The following SYNJ2 variants were observed in gnomAD, a reference collection of about 807,000 sequenced individuals.
SYNJ2 encodes the protein synaptojanin 2.
A neutral mutation model predicts 141.3 loss-of-function variants in SYNJ2; 116 were observed. The observed-to-expected ratio is 0.82, with a 90% CI of 0.71 to 0.96. SYNJ2 has a LOEUF of 0.96. Among genes scored for constraint, SYNJ2 ranks in the 40% least tolerant of loss-of-function variants. SYNJ2 has a pLI of 0.00. For synonymous variants in SYNJ2, 745 were observed against 777.7 expected, an observed-to-expected ratio of 0.96 and a Z score of 0.70; for missense variants, 1,873 against 1,934.8, an observed-to-expected ratio of 0.97 and a Z score of 0.60.
Position 158,093,066 on chromosome 6 carries a change from C to T in SYNJ2, c.3706C>T (p.Pro1236Ser), listed in dbSNP as rs1179263694. The change falls in exon 26 of 27, where the codon CCT becomes TCT. Residue 1236 changes from proline to serine, a missense_variant. Physicochemically the swap from Pro to Ser is moderately conservative, Grantham distance 74. Coordinates refer to ENST00000355585, the MANE Select transcript of SYNJ2 (RefSeq NM_003898.4). ...TCCCCGTCGGCCCCCACCCAGAGTT[C>T]CTGCCATCAAGAAGCCAACCTTGAG... Reference protein sequence around the residue: ...LLPRRPPPRVPAIKKPTLRRT... With the variant: ...LLPRRPPPRVSAIKKPTLRRT... 1 of 1,607,950 alleles carries T rather than the reference C, an allele frequency of 6.2e-7. No individual in the cohort carries two copies. The highest frequency in any genetic ancestry group is 8.5e-7 in the Non-Finnish European group (1 of 1,178,544).
chr6:158,075,229 G>A (rs113313403), intron 16 of SYNJ2, among the ~76,000 whole-genome samples: 1 of 151,254 alleles, frequency 6.6e-6, no homozygotes, highest in Admixed American at 6.6e-5. Flanking sequence ...ACCATGCCCG[G>A]TCAACCTTCT....
intron 2 of SYNJ2, among the ~76,000 whole-genome samples, chr6:158,026,512 C>T (rs1023979414): frequency 4.6e-5 from 7 of 152,150 alleles, no homozygotes; most frequent in African/African-American, 1.7e-4. Context: ...GTACCACTCC[C>T]GACCCCCTCC....
Position 158,071,789 on chromosome 6 carries a change from C to A in SYNJ2, c.2128C>A (p.Pro710Thr). The stretch of plus-strand genomic sequence containing the variant: ...GGAGATCACCCAGAAACTCTGCTTC[C>A]CAATGGTGAGCGGCGCCGTGGGGAC... ...YKEITQKLCF[P>T]MGRNVFSHDY... The change falls in exon 15 of 27, where the codon CCA (proline) becomes ACA (threonine). Residue 710 changes from proline (P) to threonine (T), a missense_variant. Transcript: ENST00000355585. The surrounding 1 kb of genome is among the most constrained non-coding windows in gnomAD (Gnocchi z 4.3). 1 of 1,613,206 alleles carries A rather than the reference C, an allele frequency of 6.2e-7. No homozygotes were observed. Among genetic ancestry groups the A allele is most frequent in the South Asian group, 1.1e-5 (1 of 91,072 alleles).
At chr6:158,020,296 C>A (rs994293429) in intron 2 of SYNJ2, among the ~76,000 whole-genome samples, 1 of 139,052 alleles carries the variant, frequency 7.2e-6, no homozygotes, top group Non-Finnish European at 1.5e-5. Flanking sequence ...GACTGTGTGA[C>A]CCCCACCTGT....
chr6:158,034,849 A>T (rs1437576233), intron 4 of SYNJ2, among the ~76,000 whole-genome samples: 1 of 152,084 alleles, frequency 6.6e-6, no homozygotes, highest in African/African-American at 2.4e-5. Flanking sequence ...TCTTGAGTTG[A>T]TTTTTGTATA....
intron 5 of SYNJ2, among the ~76,000 whole-genome samples, chr6:158,050,158 A>T (rs773928151): frequency 6.6e-6 from 1 of 152,224 alleles, no homozygotes; most frequent in East Asian, 1.9e-4. Context: ...AACCTAAGCC[A>T]AAAGGGAACA....
chr6:158,087,064 G>A (rs1383103361), intron 23 of SYNJ2, 75 bp downstream of exon 23: 6 of 1,521,794 alleles, frequency 3.9e-6, no homozygotes, highest in South Asian at 2.4e-5. Flanking sequence ...CTGAAAACAC[G>A]GCTCCGAATC....
intron 4 of SYNJ2, among the ~76,000 whole-genome samples, chr6:158,039,914 G>A (rs890210974): frequency 3.3e-5 from 5 of 152,312 alleles, no homozygotes; most frequent in South Asian, 4.1e-4. Flanking sequence ...AGCCAGGCCC[G>A]CTGACCATTT....
intron 20 of SYNJ2, among the ~76,000 whole-genome samples, 170 bp from the exon 21 acceptor site, chr6:158,083,259 G>T (rs926747055): frequency 6.6e-6 from 1 of 152,078 alleles, no homozygotes; most frequent in Non-Finnish European, 1.5e-5. Flanking sequence ...TCAACCAGAT[G>T]TATGAGAGCT....
chr6:158,055,397 G>A (rs1583420228), intron 6 of SYNJ2, among the ~76,000 whole-genome samples: 1 of 151,950 alleles, frequency 6.6e-6, no homozygotes, highest in Non-Finnish European at 1.5e-5. Context: ...GTATAGAAAA[G>A]TATAAAGTGA....
In SYNJ2 at chr6:158,070,920, C is replaced by T. The variant is rs1336210001; in HGVS notation, c.1941-682C>T. ...ATTGATTGCTGGGCACGGTGTCTCACGCCTGTAATCCCAGCACTTTGGGAG... is the reference window on the plus strand; with the variant it reads ...ATTGATTGCTGGGCACGGTGTCTCATGCCTGTAATCCCAGCACTTTGGGAG... On this transcript the variant is annotated intron_variant, in intron 14 of 26. Transcript: ENST00000355585. The surrounding 1 kb of genome is among the most constrained non-coding windows in gnomAD (Gnocchi z 4.0). Among the ~76,000 whole-genome samples, 9 of 152,312 alleles carry T rather than the reference C, an allele frequency of 5.9e-5. No homozygotes were observed. The highest frequency in any genetic ancestry group is 1.9e-4 in the East Asian group (1 of 5,180).
chr6:157,984,833 G>A (rs1458561322), intron 1 of SYNJ2, among the ~76,000 whole-genome samples: 1 of 152,238 alleles, frequency 6.6e-6, no homozygotes, highest in Non-Finnish European at 1.5e-5. Flanking sequence ...CGAGTCGGGG[G>A]TAGCTTCCTT....
chr6:158,086,197 G>C (rs893514143), intron 22 of SYNJ2, among the ~76,000 whole-genome samples: 1 of 152,152 alleles, frequency 6.6e-6, no homozygotes, highest in Non-Finnish European at 1.5e-5. Flanking sequence ...TGGGGTGTCC[G>C]AGTCAAAGTG....
At position 158,089,853 on chromosome 6, in the gene SYNJ2, T is replaced by C. The variant is rs778884332; in HGVS notation, c.3471T>C (p.Thr1157=). 2 of 1,613,866 alleles carry C rather than the reference T, an allele frequency of 1.2e-6. No individual in the cohort carries two copies. The highest frequency in any genetic ancestry group is 2.2e-5 in the East Asian group (1 of 44,872). Residue 1157 remains threonine (T), a synonymous_variant, in exon 25 of 27, where the codon ACT becomes ACC. Transcript: ENST00000355585. ...GAPQQPPKAR[T]GISKPYNVKQ... is the part of the protein sequence containing the mutation. The stretch of plus-strand genomic sequence containing the variant: ...CTGTCCTCAAGCCCAAGGCTCGGAC[T>C]GGAATAAGTAAACCTTATAATGTCA...
At chr6:157,985,671 A>G (rs1220215767) in intron 1 of SYNJ2, among the ~76,000 whole-genome samples, 1 of 152,216 alleles carries the variant, frequency 6.6e-6, no homozygotes, top group Non-Finnish European at 1.5e-5. Context: ...TTTTCAGAGT[A>G]AGCGACAGTG....
chr6:158,016,381 T>G (rs887648639), intron 1 of SYNJ2, among the ~76,000 whole-genome samples: 1 of 152,224 alleles, frequency 6.6e-6, no homozygotes, highest in East Asian at 1.9e-4. Flanking sequence ...CCCAAAGTGC[T>G]GGGGTTACAG....
intron 1 of SYNJ2, among the ~76,000 whole-genome samples, chr6:157,989,427 AATATATAT>A (rs34948131): frequency 0.11 from 10,139 of 96,206 alleles, 620 homozygotes; most frequent in Middle Eastern, 0.21. Context: ...TAAAAAAATG[AATATATAT>A]ATATATATAT....
intron 5 of SYNJ2, among the ~76,000 whole-genome samples, chr6:158,046,225 C>T (rs1412473834): frequency 1.3e-5 from 2 of 152,156 alleles, no homozygotes; most frequent in Non-Finnish European, 2.9e-5. Context: ...GGATTACAGG[C>T]GTGAGCCATC....
Position 158,033,643 on chromosome 6 carries a change from A to T in SYNJ2, c.674A>T (p.Asp225Val). The change falls in exon 4 of 27, where the codon GAC (aspartate) becomes GTC (valine). Residue 225 changes from aspartate (D) to valine (V), a missense_variant. By Grantham distance (152) the Asp-to-Val change is radical (BLOSUM62 -3). Transcript: ENST00000355585. ...GTRFHTRGVN[D>V]DGHVSNFVET... ...CGCTTCCACACCCGTGGCGTGAACG[A>T]CGACGGCCATGTGTCCAACTTCGTG... is the stretch of plus-strand genomic sequence containing the variant. 1 of 1,612,202 alleles carries T rather than the reference A, an allele frequency of 6.2e-7. No individual in the cohort carries two copies. Among genetic ancestry groups the T allele is most frequent in the South Asian group, 1.1e-5 (1 of 91,078 alleles).
Sources: allele counts gnomAD v4.1 joint callset (sites outside exome capture counted in the v4.1 genomes callset), GRCh38; gene constraint gnomAD v4.1.1; non-coding constraint Gnocchi (gnomAD v3.1); transcripts MANE v1.5; gene names NCBI Gene and HGNC (gene_info 2026-07-23, HGNC 2026-07-21).